Variants in ADGRB3 observed in about 807,000 individuals in gnomAD.
The protein encoded by ADGRB3 is adhesion G protein-coupled receptor B3, also known as brain-specific angiogenesis inhibitor 3.
In ADGRB3, 37 loss-of-function variants were observed where a neutral mutation model predicts 193.4. That is an observed-to-expected ratio of 0.19 (90% CI 0.15 to 0.25). The LOEUF is 0.25. Among genes scored for constraint, ADGRB3 ranks in the 10% least tolerant of loss-of-function variants. The pLI is 1.00. For missense variants in ADGRB3, 1,637 were observed against 1,852.9 expected (o/e 0.88, Z 2.14); for synonymous variants, 690 against 644.2 (o/e 1.07, Z -1.08).
intron 3 of ADGRB3, among the ~76,000 whole-genome samples, chr6:68,670,102 T>A (rs1768907594): frequency 6.6e-6 from 1 of 152,050 alleles, no homozygotes; most frequent in African/African-American, 2.4e-5. Flanking sequence ...TTTTGCCCAT[T>A]TTTTGATTGG....
At chr6:68,900,260 T>A (rs1766357426) in intron 3 of ADGRB3, among the ~76,000 whole-genome samples, 1 of 152,164 alleles carries the variant, frequency 6.6e-6, no homozygotes, top group Admixed American at 6.5e-5. Context: ...AATGACCATT[T>A]ATTTTGATCT....
intron 16 of ADGRB3, among the ~76,000 whole-genome samples, chr6:69,074,669 A>C (rs1456680157): frequency 1.3e-5 from 2 of 150,628 alleles, no homozygotes; most frequent in Non-Finnish European, 2.9e-5. Flanking sequence ...CTCAGCCTCC[A>C]GAGTAGCTGG....
intron 3 of ADGRB3, among the ~76,000 whole-genome samples, chr6:68,790,018 A>G (rs977290828): frequency 6.6e-6 from 1 of 151,534 alleles, no homozygotes; most frequent in African/African-American, 2.4e-5. Context: ...TCCTTTAAGG[A>G]CTTCTCTGCA....
intron 17 of ADGRB3, among the ~76,000 whole-genome samples, chr6:69,192,285 G>A (rs756548035): frequency 2.0e-4 from 30 of 152,136 alleles, no homozygotes; most frequent in Non-Finnish European, 3.8e-4. Flanking sequence ...CTTGGAGTCC[G>A]ATGTTAGAGG....
chr6:68,834,243 T>C (rs1768007075), intron 3 of ADGRB3, among the ~76,000 whole-genome samples: 2 of 152,122 alleles, frequency 1.3e-5, no homozygotes, highest in African/African-American at 4.8e-5. Flanking sequence ...AGGTTCCCAA[T>C]GCTGTGCTGC....
chr6:69,152,009 G>T (rs568283310), intron 17 of ADGRB3, among the ~76,000 whole-genome samples: 1 of 152,132 alleles, frequency 6.6e-6, no homozygotes, highest in Admixed American at 6.5e-5. Flanking sequence ...GGCCATATTT[G>T]CTTCCCCTTC....
intron 20 of ADGRB3, among the ~76,000 whole-genome samples, chr6:69,281,706 G>A (rs1767440971): frequency 6.6e-6 from 1 of 152,174 alleles, no homozygotes; most frequent in South Asian, 2.1e-4. Flanking sequence ...GATTAGTTAA[G>A]TGAGGCCATG....
chr6:68,719,554 A>C lies in ADGRB3; in HGVS notation c.757+80122A>C, dbSNP rs1164702362. On this transcript the variant is annotated intron_variant, in intron 3 of 31. Transcript: ENST00000370598. ...GAACTCTGATGCCTCTGTTTAATTA[A>C]CAGTTACACATTGGAAAGATACTCT... Among the ~76,000 whole-genome samples, 4 of 151,904 alleles carry C rather than the reference A, an allele frequency of 2.6e-5. No individual in the cohort carries two copies. In the East Asian group the frequency reaches 7.8e-4, roughly 30 times the overall value.
intron 17 of ADGRB3, among the ~76,000 whole-genome samples, chr6:69,180,221 C>T (rs192457425): frequency 2.0e-5 from 3 of 152,274 alleles, no homozygotes; most frequent in Non-Finnish European, 2.9e-5. Flanking sequence ...TAGAGCAGTC[C>T]CTTCTACATT....
At chr6:69,385,674 G>A (rs1173413857) in intron 31 of ADGRB3, among the ~76,000 whole-genome samples, 3 of 152,048 alleles carry the variant, frequency 2.0e-5, no homozygotes, top group Non-Finnish European at 2.9e-5. Context: ...CAAAACAGCA[G>A]CATAAATTCG....
intron 20 of ADGRB3, among the ~76,000 whole-genome samples, chr6:69,308,701 G>A (rs1207293746): frequency 6.6e-6 from 1 of 151,428 alleles, no homozygotes; most frequent in African/African-American, 2.4e-5. Context: ...CATAAATGTG[G>A]GTAGCTCCTG....
At chr6:68,847,120 A>G (rs1306611300) in intron 3 of ADGRB3, among the ~76,000 whole-genome samples, 1 of 151,876 alleles carries the variant, frequency 6.6e-6, no homozygotes, top group Non-Finnish European at 1.5e-5. Flanking sequence ...GGGCCCTGTA[A>G]CCCCTTTATT....
chr6:68,809,377 T>C (rs535239782), intron 3 of ADGRB3, among the ~76,000 whole-genome samples: 2 of 152,330 alleles, frequency 1.3e-5, no homozygotes, highest in South Asian at 4.1e-4. Flanking sequence ...TACCAAAAAG[T>C]TTGCATGCCA....
chr6:69,299,311 G>A (rs1767902640), intron 20 of ADGRB3, among the ~76,000 whole-genome samples: 1 of 151,522 alleles, frequency 6.6e-6, no homozygotes, highest in South Asian at 2.1e-4. Context: ...TATACATTCT[G>A]GTATGGGTAG....
intron 17 of ADGRB3, among the ~76,000 whole-genome samples, chr6:69,217,020 A>G (rs1765784256): frequency 6.6e-6 from 1 of 152,156 alleles, no homozygotes; most frequent in African/African-American, 2.4e-5. Context: ...GACATTTAGG[A>G]GGCATGATTC....
At chr6:68,701,608 T>G (rs990200607) in intron 3 of ADGRB3, among the ~76,000 whole-genome samples, 1 of 152,334 alleles carries the variant, frequency 6.6e-6, no homozygotes, top group East Asian at 1.9e-4. Flanking sequence ...TCATGTCAGA[T>G]TCATAGAGCA....
At chr6:69,020,101 A>G (rs908191978) in intron 13 of ADGRB3, among the ~76,000 whole-genome samples, 9 of 152,052 alleles carry the variant, frequency 5.9e-5, no homozygotes, top group Non-Finnish European at 1.2e-4. Flanking sequence ...AGATTGGACA[A>G]TTGGTAAAGT....
intron 13 of ADGRB3, among the ~76,000 whole-genome samples, chr6:69,043,800 T>G (rs2150300068): frequency 6.6e-6 from 1 of 152,336 alleles, no homozygotes; most frequent in African/African-American, 2.4e-5. Flanking sequence ...GTCGCACAAC[T>G]TATAAGATGA....
intron 17 of ADGRB3, among the ~76,000 whole-genome samples, chr6:69,143,490 T>G (rs1774396753): frequency 6.6e-6 from 1 of 152,164 alleles, no homozygotes; most frequent in African/African-American, 2.4e-5. Context: ...TCCTCACAGT[T>G]TTTCTGTAGT....
Sources: allele counts gnomAD v4.1 joint callset (sites outside exome capture counted in the v4.1 genomes callset), GRCh38; gene constraint gnomAD v4.1.1; transcripts MANE v1.5; gene names NCBI Gene and HGNC (gene_info 2026-07-23, HGNC 2026-07-21).